PTPRT: variants seen among roughly 807,000 people sequenced by gnomAD.
The protein encoded by PTPRT is protein tyrosine phosphatase receptor type T.
PTPRT carries 56 observed loss-of-function variants against 176.8 expected under a neutral mutation model. The ratio of observed to expected loss-of-function variants is 0.32; its 90% CI spans 0.26 to 0.40. PTPRT has a LOEUF of 0.40. Among genes scored for constraint, PTPRT ranks in the 10% least tolerant of loss-of-function variants. The pLI is 1.00. For synonymous variants in PTPRT, 783 were observed against 739.0 expected (o/e 1.06, Z -0.96); for missense variants, 1,540 against 1,908.2 (o/e 0.81, Z 3.60).
At chr20:42,302,553 C>T (rs1376746152) in intron 12 of PTPRT, among the ~76,000 whole-genome samples, 2 of 152,184 alleles carry the variant, frequency 1.3e-5, no homozygotes, top group African/African-American at 2.4e-5. Context: ...CTCCTCATCC[C>T]CTCTACCTCC....
chr20:42,613,507 G>C (rs2074009781), intron 7 of PTPRT, among the ~76,000 whole-genome samples: 1 of 152,192 alleles, frequency 6.6e-6, no homozygotes, highest in Non-Finnish European at 1.5e-5. Flanking sequence ...AAGATCTCTG[G>C]TTATCATATG....
At chr20:43,013,171 ACT>A (rs1338743622) in intron 1 of PTPRT, among the ~76,000 whole-genome samples, 1 of 151,416 alleles carries the variant, frequency 6.6e-6, no homozygotes, top group Non-Finnish European at 1.5e-5. Flanking sequence ...AATTTTTTTC[ACT>A]CTCTAATAAC....
intron 1 of PTPRT, among the ~76,000 whole-genome samples, chr20:42,896,503 C>T (rs540695964): frequency 2.4e-4 from 36 of 152,030 alleles, no homozygotes; most frequent in African/African-American, 7.5e-4. Flanking sequence ...GGCGTGGTGG[C>T]GCATGCCTGT....
intron 4 of PTPRT, among the ~76,000 whole-genome samples, chr20:42,772,489 T>C (rs944323484): frequency 2.0e-5 from 3 of 152,360 alleles, no homozygotes; most frequent in Middle Eastern, 3.4e-3. Context: ...ATTAAGTCTA[T>C]GTTTTATATT....
At chr20:42,051,507 T>G in the PTPRT span, among the ~76,000 whole-genome samples, 359 of 152,262 alleles carry the variant, frequency 2.4e-3, 2 homozygotes, top group Middle Eastern at 0.041. Context: ...CAGAGGATTA[T>G]TGAGATGACA....
chr20:42,547,144 G>A (rs7271987), intron 7 of PTPRT, among the ~76,000 whole-genome samples: 33,056 of 151,776 alleles, frequency 0.22, 3,854 homozygotes, highest in African/African-American at 0.3. Context: ...GTACGCTTTT[G>A]TGTGTTTTGA....
intron 7 of PTPRT, among the ~76,000 whole-genome samples, chr20:42,668,970 A>C (rs2075368295): frequency 6.9e-6 from 1 of 144,670 alleles, no homozygotes; most frequent in Admixed American, 7.5e-5. Flanking sequence ...TCGGCCTCCC[A>C]AAGTGCTGGG....
At chr20:43,023,338 C>T (rs548910676) in intron 1 of PTPRT, among the ~76,000 whole-genome samples, 1 of 152,330 alleles carries the variant, frequency 6.6e-6, no homozygotes, top group South Asian at 2.1e-4. Flanking sequence ...CAACTGCATG[C>T]TCATGCTGTT....
At chr20:42,174,986 T>G (rs771060211) in intron 16 of PTPRT, among the ~76,000 whole-genome samples, 1 of 152,118 alleles carries the variant, frequency 6.6e-6, no homozygotes, top group Non-Finnish European at 1.5e-5. Context: ...GAAGAAGAGA[T>G]AGTCATTTCT....
chr20:42,833,433 T>A (rs976177074), intron 2 of PTPRT, among the ~76,000 whole-genome samples: 17 of 150,760 alleles, frequency 1.1e-4, no homozygotes, highest in African/African-American at 2.9e-4. Context: ...ATAAATAAAA[T>A]AAATAAAGTG....
intron 1 of PTPRT, among the ~76,000 whole-genome samples, chr20:42,899,292 A>G (rs2079358696): frequency 6.6e-6 from 1 of 152,186 alleles, no homozygotes; most frequent in African/African-American, 2.4e-5. Context: ...AGTCGGGAAA[A>G]GGTGAGGAAA....
At chr20:42,914,541 C>T (rs1978607733) in intron 1 of PTPRT, among the ~76,000 whole-genome samples, 1 of 152,138 alleles carries the variant, frequency 6.6e-6, no homozygotes, top group Non-Finnish European at 1.5e-5. Context: ...AACAATATGG[C>T]CAAGCATCAA....
intron 7 of PTPRT, among the ~76,000 whole-genome samples, chr20:42,610,501 T>C (rs1465918884): frequency 6.6e-6 from 1 of 151,950 alleles, no homozygotes; most frequent in African/African-American, 2.4e-5. Flanking sequence ...ATTACAGGCG[T>C]GAGCCACCAT....
chr20:43,030,362 T>C (rs1568742536), intron 1 of PTPRT, among the ~76,000 whole-genome samples: 2 of 152,190 alleles, frequency 1.3e-5, no homozygotes, highest in South Asian at 4.1e-4. Context: ...ACCCGTCATA[T>C]ATGATGCTCC....
intron 7 of PTPRT, among the ~76,000 whole-genome samples, chr20:42,648,347 G>A (rs2074954003): frequency 6.6e-6 from 1 of 152,134 alleles, no homozygotes. Flanking sequence ...GACTACTGCT[G>A]TCCTCCCAGC....
At chr20:42,276,767 G>A (rs1350650582) in intron 13 of PTPRT, among the ~76,000 whole-genome samples, 1 of 151,366 alleles carries the variant, frequency 6.6e-6, no homozygotes, top group African/African-American at 2.4e-5. Flanking sequence ...ACATAGGCTT[G>A]TATCAATGGG....
At chr20:42,790,222 GT>G (rs2077352153) in intron 3 of PTPRT, among the ~76,000 whole-genome samples, 1 of 117,566 alleles carries the variant, frequency 8.5e-6, no homozygotes, top group South Asian at 3.4e-4. Context: ...TAATAACATT[GT>G]TAAAAAAAAA....
chr20:42,838,057 G>A (rs1490833559), intron 2 of PTPRT, among the ~76,000 whole-genome samples: 6 of 152,096 alleles, frequency 3.9e-5, no homozygotes, highest in African/African-American at 9.7e-5. Flanking sequence ...ACGGAGTTTC[G>A]CTCTTGTTGA....
At chr20:43,084,807 A>G (rs1481290025) in intron 1 of PTPRT, among the ~76,000 whole-genome samples, 1 of 152,226 alleles carries the variant, frequency 6.6e-6, no homozygotes, top group South Asian at 2.1e-4. Context: ...AAATATCAGA[A>G]GGAAATACAA....
Sources: allele counts gnomAD v4.1 joint callset (sites outside exome capture counted in the v4.1 genomes callset), GRCh38; gene constraint gnomAD v4.1.1; transcripts MANE v1.5; gene names NCBI Gene and HGNC (gene_info 2026-07-23, HGNC 2026-07-21).